Variants in CARD8 observed in about 807,000 individuals in gnomAD.
CARD8 encodes the protein caspase recruitment domain-containing protein 8.
CARD8 carries 38 observed loss-of-function variants against 53.2 expected under a neutral mutation model. The observed-to-expected ratio is 0.71, with a 90% CI of 0.55 to 0.94. The LOEUF is 0.94. Among genes scored for constraint, CARD8 ranks in the 40% least tolerant of loss-of-function variants. The pLI, the probability that CARD8 is intolerant of heterozygous loss-of-function variation, is 0.00. For synonymous variants in CARD8, 245 were observed against 244.9 expected (o/e 1.00, Z 0.00); for missense variants, 561 against 655.5 (o/e 0.86, Z 1.57).
At chr19:48,221,636 A>G (rs1165371431) in intron 11 of CARD8, 94 bp downstream of exon 11, 4 of 886,410 alleles carry the variant, frequency 4.5e-6, no homozygotes, top group Non-Finnish European at 4.9e-6. Flanking sequence ...TGATTAATAA[A>G]AGAAAAATGT....
intron 13 of CARD8, among the ~76,000 whole-genome samples, chr19:48,214,373 A>C (rs1168864622): frequency 6.6e-6 from 1 of 152,206 alleles, no homozygotes; most frequent in African/African-American, 2.4e-5. Context: ...CTCCTGACAG[A>C]GAGAAAACAC....
Position 48,218,856 on chromosome 19 carries a change from C to T in CARD8, c.1303+15G>A, listed in dbSNP as rs774020920. 5.6e-6 allele frequency: 9 copies of T among 1,613,532 alleles called. No homozygotes were observed. Among genetic ancestry groups the T allele is most frequent in the East Asian group, 2.2e-5 (1 of 44,884 alleles). ...GATCCCTGTCTAAAAATGCCAGCCT[C>T]GCCCACTCACCTACCTGGCTTCACC... is the stretch of plus-strand genomic sequence containing the variant. On this transcript the variant is annotated intron_variant, in intron 12 of 13. Transcript: ENST00000651546.
At chr19:48,216,236 G>A (rs934007431) in intron 12 of CARD8, among the ~76,000 whole-genome samples, 5 of 152,152 alleles carry the variant, frequency 3.3e-5, no homozygotes, top group Admixed American at 6.5e-5. Flanking sequence ...GAGAAATGGA[G>A]AGTGTGGTGG....
At chr19:48,254,983 TC>T (rs1415620356) in intron 1 of CARD8, among the ~76,000 whole-genome samples, 2 of 152,228 alleles carry the variant, frequency 1.3e-5, no homozygotes, top group Admixed American at 1.3e-4. Flanking sequence ...TATGCAATCC[TC>T]CCCATTTCTG....
intron 5 of CARD8, among the ~76,000 whole-genome samples, chr19:48,236,716 G>A (rs916953896): frequency 6.6e-6 from 1 of 152,166 alleles, no homozygotes; most frequent in African/African-American, 2.4e-5. Context: ...TAACAGTACT[G>A]TATCAACATC....
rs146362031 is a variant in CARD8, at chr19:48,230,806, A to C, written c.743T>G (p.Ile248Ser). 82 of 1,614,040 alleles carry C rather than the reference A, an allele frequency of 5.1e-5. No homozygotes were observed. The highest frequency in any genetic ancestry group is 6.6e-5 in the Non-Finnish European group (78 of 1,180,032). Residue 248 changes from isoleucine (I) to serine (S), a missense_variant, in exon 9 of 14, where the codon ATC becomes AGC. Coordinates refer to ENST00000651546, the MANE Select transcript of CARD8 (RefSeq NM_001184900.3). Reference sequence around the variant, plus strand: ...GAGGGAGATGAAGTGGGGGAGGTGGATTTCGGCGACAGCCTCCTCTGGCTC... The same window carrying C: ...GAGGGAGATGAAGTGGGGGAGGTGGCTTTCGGCGACAGCCTCCTCTGGCTC... ...TAEPEEAVAE[I>S]HLPHFISLQA...
rs80246904 is a variant in CARD8 at position 48,234,796 on chromosome 19, G to A, written c.210-253C>T. ...GCTCTTTCCATCCTAGGAAGCAGAC[G>A]TCAGTCAGTTCTCAACATCTAGCAT... On this transcript the variant is annotated intron_variant, in intron 5 of 13. Coordinates refer to ENST00000651546, the MANE Select transcript of CARD8 (RefSeq NM_001184900.3). Among the ~76,000 whole-genome samples, 1,121 of 152,234 alleles carry A rather than the reference G, an allele frequency of 7.4e-3. 12 individuals carry two copies. Among genetic ancestry groups the A allele is most frequent in the African/African-American group, 0.025 (1,059 of 41,536 alleles).
At chr19:48,218,621 T>C (rs1371771455) in intron 12 of CARD8, among the ~76,000 whole-genome samples, 1 of 152,142 alleles carries the variant, frequency 6.6e-6, no homozygotes, top group Non-Finnish European at 1.5e-5. Flanking sequence ...CCCAAAGTTC[T>C]GGGTTTACAG....
intron 10 of CARD8, among the ~76,000 whole-genome samples, chr19:48,230,181 CACTA>C (rs2042581628): frequency 6.6e-6 from 1 of 152,168 alleles, no homozygotes; most frequent in African/African-American, 2.4e-5. Flanking sequence ...CCCCCAAAAT[CACTA>C]ACTTTCTCCT....
intron 12 of CARD8, among the ~76,000 whole-genome samples, chr19:48,218,253 G>C (rs2039745597): frequency 6.6e-6 from 1 of 151,474 alleles, no homozygotes; most frequent in South Asian, 2.1e-4. Context: ...AGGACATGCA[G>C]GTTTGTTACA....
chr19:48,230,344 G>T, intron 10 of CARD8, 94 bp downstream of exon 10: 3 of 1,373,280 alleles, frequency 2.2e-6, no homozygotes, highest in East Asian at 2.3e-5. Flanking sequence ...ACCATGCCTT[G>T]CCCTTTCTGT....
At position 48,232,108 on chromosome 19, in the gene CARD8, C is replaced by G. The variant is rs1287229290; in HGVS notation, c.392-298G>C. 6 of 547,514 alleles carry G rather than the reference C, an allele frequency of 1.1e-5. No individual in the cohort carries two copies. The East Asian group carries it at 2.0e-4, about 18-fold the overall frequency. 33.9% of individuals were successfully genotyped at this position (547,514 alleles called of 1,614,324 possible). Reference sequence around the variant, plus strand: ...GACTGGAACCAATGCACCTACATTTCTACTGGTCCGAAATAGCAGAAGACA... The same window carrying G: ...GACTGGAACCAATGCACCTACATTTGTACTGGTCCGAAATAGCAGAAGACA... On this transcript the variant is annotated intron_variant, in intron 7 of 13. Transcript: ENST00000651546.
intron 13 of CARD8, 197 bp downstream of exon 13, chr19:48,215,143 G>A (rs2039001638): frequency 4.2e-6 from 2 of 478,820 alleles, no homozygotes; most frequent in South Asian, 5.0e-5. Context: ...AACTTGCCTC[G>A]GTCTCTCCTT....
downstream of CARD8, chr19:48,203,981 C>A (rs1448679689): frequency 1.2e-5 from 4 of 341,194 alleles, no homozygotes; most frequent in Admixed American, 3.9e-5. Flanking sequence ...CGCAGTAGAA[C>A]CCGCGGGCCC....
intron 1 of CARD8, among the ~76,000 whole-genome samples, chr19:48,252,256 C>T (rs1176327543): frequency 6.6e-5 from 10 of 151,908 alleles, no homozygotes; most frequent in Non-Finnish European, 1.5e-5. Context: ...TGAATTAGGG[C>T]TAGTTTGAAT....
rs1600003137 is a variant in CARD8, at chr19:48,210,117, C to G, written c.*1593G>C. The G allele has an allele frequency of 6.6e-6, 1 of 151,988 alleles. No homozygotes were observed. The highest frequency in any genetic ancestry group is 2.1e-4 in the South Asian group (1 of 4,818). 9.4% of individuals were successfully genotyped at this position (151,988 alleles called of 1,614,324 possible). ...TAAAGATAAATACCTTGAAATCTGA[C>G]AGAAAAATGACACACTACATACAGG... On this transcript the variant is annotated 3_prime_UTR_variant, in exon 14 of 14. Transcript: ENST00000651546.
intron 8 of CARD8, 34 bp downstream of exon 8, chr19:48,231,626 T>A (rs1333322430): frequency 1.3e-6 from 2 of 1,553,878 alleles, no homozygotes; most frequent in African/African-American, 2.7e-5. Context: ...TATATCAGAG[T>A]GGTTTTCAAA....
chr19:48,247,996 TA>T (rs1200740648), intron 3 of CARD8, among the ~76,000 whole-genome samples: 1 of 152,190 alleles, frequency 6.6e-6, no homozygotes, highest in East Asian at 1.9e-4. Context: ...ATATTGCATT[TA>T]AAAAGTTTTG....
rs749382283 is a variant in CARD8 at position 48,211,700 on chromosome 19, C to A, written c.*10G>T. 6.2e-6 allele frequency: 10 copies of A among 1,612,384 alleles called. No homozygotes were observed. The East Asian group carries it at 6.7e-5, about 11-fold the overall frequency. ...GGATTCTCTCTTCCAGACTACCTAA[C>A]TGACTCATTTTACAAATTCTGCTGT... On this transcript the variant is annotated 3_prime_UTR_variant, in exon 14 of 14. Coordinates refer to ENST00000651546, the MANE Select transcript of CARD8 (RefSeq NM_001184900.3).
Sources: allele counts gnomAD v4.1 joint callset (sites outside exome capture counted in the v4.1 genomes callset), GRCh38; gene constraint gnomAD v4.1.1; transcripts MANE v1.5; gene names NCBI Gene and HGNC (gene_info 2026-07-23, HGNC 2026-07-21).